ZNF704: variants seen among roughly 807,000 people sequenced by gnomAD.
ZNF704 encodes zinc finger protein 704.
In ZNF704, 10 loss-of-function variants were observed where a neutral mutation model predicts 44.7. The observed-to-expected ratio is 0.22, with a 90% CI of 0.14 to 0.38. The LOEUF is 0.38. Ranked by LOEUF, ZNF704 falls within the 10% of genes least tolerant of loss-of-function variation. ZNF704 has a pLI of 1.00. For synonymous variants in ZNF704, 211 were observed against 207.6 expected, an observed-to-expected ratio of 1.02 and a Z score of -0.14; for missense variants, 390 against 545.5, an observed-to-expected ratio of 0.71 and a Z score of 2.84.
intron 2 of ZNF704, among the ~76,000 whole-genome samples, chr8:80,703,422 A>G (rs1209642142): frequency 3.3e-5 from 5 of 152,054 alleles, no homozygotes; most frequent in Admixed American, 3.3e-4. Context: ...ATCAGGGCTT[A>G]GTCTTGCATC....
chr8:80,650,462 A>G (rs541169327), intron 7 of ZNF704, among the ~76,000 whole-genome samples: 1 of 152,344 alleles, frequency 6.6e-6, no homozygotes, highest in African/African-American at 2.4e-5. Context: ...AATGCAGAGA[A>G]GTCCTTAAAG....
chr8:80,826,186 C>T (rs1586056308), intron 1 of ZNF704, among the ~76,000 whole-genome samples: 1 of 152,016 alleles, frequency 6.6e-6, no homozygotes, highest in Admixed American at 6.6e-5. Context: ...ACTAGCAAGA[C>T]TAACAAAGAA....
intron 2 of ZNF704, among the ~76,000 whole-genome samples, chr8:80,747,268 C>T (rs749084661): frequency 1.3e-5 from 2 of 151,914 alleles, no homozygotes; most frequent in Non-Finnish European, 2.9e-5. Context: ...CAAATAACCA[C>T]GAATCTTGCT....
chr8:80,797,064 T>G (rs1586034335), intron 2 of ZNF704, among the ~76,000 whole-genome samples: 1 of 152,030 alleles, frequency 6.6e-6, no homozygotes, highest in South Asian at 2.1e-4. Flanking sequence ...CCCAAGCTAG[T>G]CTGAAGCCCA....
intron 2 of ZNF704, among the ~76,000 whole-genome samples, chr8:80,789,675 G>A (rs1219564201): frequency 6.6e-6 from 1 of 152,132 alleles, no homozygotes; most frequent in Non-Finnish European, 1.5e-5. Flanking sequence ...ACAGGAGTTT[G>A]AGGCTGCAGT....
chr8:80,638,136 C>T lies in ZNF704; in HGVS notation c.*3230G>A, dbSNP rs1233006059. Reference sequence around the variant, plus strand: ...TCCAGGCTGTCACACTGCCTCCCACCCACCAATGCAGCACACATCTGCTGG... The same window carrying T: ...TCCAGGCTGTCACACTGCCTCCCACTCACCAATGCAGCACACATCTGCTGG... On this transcript the variant is annotated 3_prime_UTR_variant, in exon 9 of 9. Transcript: ENST00000327835. The T allele has an allele frequency of 6.6e-6, 1 of 152,396 alleles. No individual in the cohort carries two copies. The highest frequency in any genetic ancestry group is 1.5e-5 in the Non-Finnish European group (1 of 68,176). 9.4% of individuals were successfully genotyped at this position (152,396 alleles called of 1,614,324 possible). A position where few individuals can be genotyped will look rare whatever the true frequency, so the allele number is the denominator to read the frequency against.
At chr8:80,665,756 A>G (rs1818179492) in intron 5 of ZNF704, among the ~76,000 whole-genome samples, 1 of 152,130 alleles carries the variant, frequency 6.6e-6, no homozygotes, top group Admixed American at 6.5e-5. Flanking sequence ...AGTCCCAGAA[A>G]GAAAAATTCA....
intron 2 of ZNF704, among the ~76,000 whole-genome samples, chr8:80,819,672 T>C (rs1808235905): frequency 6.6e-6 from 1 of 152,112 alleles, no homozygotes; most frequent in Non-Finnish European, 1.5e-5. Context: ...GATAAAATGT[T>C]TCACAACCAT....
chr8:80,661,561 G>C (rs1003740778), intron 6 of ZNF704, among the ~76,000 whole-genome samples: 5 of 152,072 alleles, frequency 3.3e-5, no homozygotes, highest in African/African-American at 1.2e-4. Flanking sequence ...TCCATCAACA[G>C]ATGAAGTGTC....
chr8:80,762,812 T>A (rs367836597), intron 2 of ZNF704, among the ~76,000 whole-genome samples: 3 of 152,280 alleles, frequency 2.0e-5, no homozygotes, highest in East Asian at 1.9e-4. Flanking sequence ...CCTATCAGCC[T>A]ATCAAAAGCA....
chr8:80,659,313 C>T (rs4739605), intron 7 of ZNF704, among the ~76,000 whole-genome samples: 150,562 of 152,330 alleles, frequency 0.99, 74,411 homozygotes, highest in East Asian at 1. Flanking sequence ...AACATACAAA[C>T]ACACTACCAA....
chr8:80,764,943 T>G (rs1356084544), intron 2 of ZNF704, among the ~76,000 whole-genome samples: 1 of 152,198 alleles, frequency 6.6e-6, no homozygotes, highest in East Asian at 1.9e-4. Flanking sequence ...CAATAGCATA[T>G]GCATATGAGA....
At chr8:80,770,950 C>T (rs1185469250) in intron 2 of ZNF704, among the ~76,000 whole-genome samples, 2 of 152,118 alleles carry the variant, frequency 1.3e-5, no homozygotes, top group African/African-American at 4.8e-5. Flanking sequence ...TATCCAATTG[C>T]TTCTCCACCA....
At chr8:80,702,955 C>T (rs1021505587) in intron 2 of ZNF704, among the ~76,000 whole-genome samples, 2 of 151,934 alleles carry the variant, frequency 1.3e-5, no homozygotes, top group Non-Finnish European at 2.9e-5. Context: ...GTTAAGGAAG[C>T]GGGAGGTGGA....
At chr8:80,739,757 T>C (rs1262432308) in intron 2 of ZNF704, among the ~76,000 whole-genome samples, 2 of 152,166 alleles carry the variant, frequency 1.3e-5, no homozygotes, top group South Asian at 2.1e-4. Context: ...TGAATGCTAA[T>C]AGGGCTTGCT....
At chr8:80,760,226 G>A (rs1433042638) in intron 2 of ZNF704, among the ~76,000 whole-genome samples, 1 of 152,082 alleles carries the variant, frequency 6.6e-6, no homozygotes, top group Non-Finnish European at 1.5e-5. Context: ...TAATACACTT[G>A]GTACTATGTT....
the ZNF704 span, among the ~76,000 whole-genome samples, chr8:80,880,905 T>C: frequency 3.3e-5 from 5 of 152,348 alleles, no homozygotes; most frequent in Middle Eastern, 3.4e-3. Flanking sequence ...CACTTAGATA[T>C]AATATTTGCT....
At chr8:80,836,567 CAA>C (rs1808586384) in intron 1 of ZNF704, among the ~76,000 whole-genome samples, 2 of 152,150 alleles carry the variant, frequency 1.3e-5, no homozygotes, top group South Asian at 4.2e-4. Context: ...CACTTGAGCT[CAA>C]GAGTCAAGAC....
At chr8:80,701,266 C>T (rs906834001) in intron 2 of ZNF704, among the ~76,000 whole-genome samples, 1 of 152,048 alleles carries the variant, frequency 6.6e-6, no homozygotes, top group African/African-American at 2.4e-5. Flanking sequence ...CCTCAGCAGG[C>T]CCTTCACCCG....
Sources: allele counts gnomAD v4.1 joint callset (sites outside exome capture counted in the v4.1 genomes callset), GRCh38; gene constraint gnomAD v4.1.1; transcripts MANE v1.5; gene names NCBI Gene and HGNC (gene_info 2026-07-23, HGNC 2026-07-21).